Variants in MS4A4E observed in about 807,000 individuals in gnomAD.
MS4A4E encodes membrane spanning 4-domains A4E.
Under a neutral mutation model 13.3 loss-of-function variants are expected in MS4A4E, and 23 were observed. The observed-to-expected ratio is 1.73, with a 90% CI of 1.25 to 2.45. The LOEUF (loss-of-function observed/expected upper bound fraction) is 2.45. MS4A4E is among the 30% of genes most tolerant of loss of function. MS4A4E has a pLI of 0.00. For synonymous variants in MS4A4E, 36 were observed against 45.6 expected (o/e 0.79, Z 0.85); for missense variants, 144 against 131.2 (o/e 1.10, Z -0.48).
At position 60,201,306 on chromosome 11, in the gene MS4A4E, C is replaced by T. The variant is rs1303020105; in HGVS notation, c.*237G>A. ...CTGGCGGGGGCTGACCCCCACCTCC[C>T]TCCCGGACGGGGTGGCTGCCTGGCG... On this transcript the variant is annotated 3_prime_UTR_variant, in exon 9 of 9. Coordinates refer to ENST00000651255, the MANE Select transcript of MS4A4E (RefSeq NM_001393391.1). 1.2e-5 allele frequency: 2 copies of T among 164,046 alleles called. No homozygotes were observed. Among genetic ancestry groups the T allele is most frequent in the South Asian group, 1.4e-4 (1 of 7,118 alleles). The allele number at this position is 164,046 out of a possible 1,614,324, so 10.2% of individuals were successfully genotyped here.
At chr11:60,220,127 T>C (rs527696857) in intron 3 of MS4A4E, among the ~76,000 whole-genome samples, 13 of 152,302 alleles carry the variant, frequency 8.5e-5, no homozygotes, top group African/African-American at 2.6e-4. Flanking sequence ...CCTGAAGGGA[T>C]TGCAGACATT....
At chr11:60,232,646 CAT>C (rs2084427054) in intron 1 of MS4A4E, among the ~76,000 whole-genome samples, 1 of 152,026 alleles carries the variant, frequency 6.6e-6, no homozygotes, top group Non-Finnish European at 1.5e-5. Context: ...CTGAAGTCCA[CAT>C]GTCTGTTCTA....
intron 5 of MS4A4E, among the ~76,000 whole-genome samples, chr11:60,211,958 A>G (rs1435110626): frequency 2.0e-5 from 3 of 152,218 alleles, no homozygotes; most frequent in South Asian, 2.1e-4. Context: ...AATAATAATT[A>G]TAAAGATTAA....
At position 60,229,973 on chromosome 11, in the gene MS4A4E, T is replaced by C. The variant is rs2084387779; in HGVS notation, c.83A>G (p.His28Arg). 1 of 1,613,818 alleles carries C rather than the reference T, an allele frequency of 6.2e-7. No individual in the cohort carries two copies. Among genetic ancestry groups the C allele is most frequent in the East Asian group, 2.2e-5 (1 of 44,874 alleles). Residue 28 changes from histidine to arginine, a missense_variant, in exon 2 of 9, where the codon CAT becomes CGT. Physicochemically the swap from His to Arg is conservative, Grantham distance 29 (BLOSUM62 0). Around this residue, in one of 3 missense-constraint regions of MS4A4E, gnomAD observed 119 missense variants for 88.7 expected, o/e 1.34. Coordinates refer to ENST00000651255, the MANE Select transcript of MS4A4E (RefSeq NM_001393391.1). ...VPQLGNIDVI[H>R]SYLCKGLQEK... is the part of the protein sequence containing the mutation. ...TTGCAATCCTTTACACAGATATGAA[T>C]GTATGACATCTATGTTTCCCAGCTG...
intron 1 of MS4A4E, among the ~76,000 whole-genome samples, chr11:60,230,900 T>C (rs994422396): frequency 2.6e-5 from 4 of 152,166 alleles, no homozygotes; most frequent in Admixed American, 6.5e-5. Flanking sequence ...CTAATATCCT[T>C]CAAGTCATAG....
intron 4 of MS4A4E, chr11:60,213,381 G>C: frequency 5.9e-6 from 8 of 1,351,794 alleles, no homozygotes; most frequent in Non-Finnish European, 8.1e-6. Context: ...GGTTTTCAAT[G>C]ATTTTTTACA....
chr11:60,234,339 G>A (rs907064692), intron 1 of MS4A4E, among the ~76,000 whole-genome samples: 9 of 152,084 alleles, frequency 5.9e-5, no homozygotes, highest in Non-Finnish European at 7.4e-5. Context: ...TTGGAGGGTC[G>A]TGGATGAAAT....
At chr11:60,225,313 A>G (rs565418225) in intron 3 of MS4A4E, among the ~76,000 whole-genome samples, 1 of 152,186 alleles carries the variant, frequency 6.6e-6, no homozygotes. Flanking sequence ...TTCACGGTTA[A>G]AAGGAGTATG....
intron 8 of MS4A4E, among the ~76,000 whole-genome samples, chr11:60,204,273 C>T (rs917842812): frequency 1.3e-5 from 2 of 152,332 alleles, no homozygotes; most frequent in East Asian, 3.9e-4. Flanking sequence ...AGTTAATCAT[C>T]TTCCCTTGCC....
intron 1 of MS4A4E, among the ~76,000 whole-genome samples, chr11:60,237,357 A>T (rs182638964): frequency 6.6e-6 from 1 of 152,304 alleles, no homozygotes; most frequent in East Asian, 1.9e-4. Context: ...ATTGATGGGC[A>T]TTTAAGTTGA....
At chr11:60,228,711 T>C (rs2084373132) in intron 2 of MS4A4E, 84 bp from the exon 3 acceptor site, 1 of 664,548 alleles carries the variant, frequency 1.5e-6, no homozygotes, top group Non-Finnish European at 2.7e-6. Context: ...GGTGAATGCA[T>C]AAATAAACTG....
At chr11:60,206,109 A>T (rs906612952) in intron 6 of MS4A4E, among the ~76,000 whole-genome samples, 3 of 152,046 alleles carry the variant, frequency 2.0e-5, no homozygotes, top group African/African-American at 7.2e-5. Flanking sequence ...AAGGAAAAGG[A>T]TGGGGGAGAA....
chr11:60,232,644 C>A (rs1309046960), intron 1 of MS4A4E, among the ~76,000 whole-genome samples: 1 of 151,976 alleles, frequency 6.6e-6, no homozygotes, highest in Non-Finnish European at 1.5e-5. Flanking sequence ...ACCTGAAGTC[C>A]ACATGTCTGT....
intron 3 of MS4A4E, among the ~76,000 whole-genome samples, chr11:60,225,742 A>G (rs913706220): frequency 2.6e-5 from 4 of 152,126 alleles, no homozygotes; most frequent in Non-Finnish European, 5.9e-5. Flanking sequence ...ACCTTAAGAA[A>G]CTGGAAAAAG....
intron 1 of MS4A4E, among the ~76,000 whole-genome samples, chr11:60,239,725 T>C (rs2084526014): frequency 6.6e-6 from 1 of 152,242 alleles, no homozygotes; most frequent in Admixed American, 6.5e-5. Flanking sequence ...TAATGGAGTT[T>C]ATGAGGTGAC....
chr11:60,201,370 CGG>C lies in MS4A4E; in HGVS notation c.*171_*172del. 1 of 183,210 alleles carries C rather than the reference CGG, an allele frequency of 5.5e-6. No homozygotes were observed. Among genetic ancestry groups the C allele is most frequent in the South Asian group, 9.4e-5 (1 of 10,670 alleles). The allele number at this position is 183,210 out of a possible 1,614,324, so 11.3% of individuals were successfully genotyped here. ...CTTCCCAGACGGGGTGGCTGCCGGG[CGG>C]AGGGGCTCCTCACTTCTCAGACGGG... On this transcript the variant is annotated 3_prime_UTR_variant, in exon 9 of 9. Coordinates refer to ENST00000651255, the MANE Select transcript of MS4A4E (RefSeq NM_001393391.1).
At position 60,233,057 on chromosome 11, in the gene MS4A4E, CCCCTGGAGTCCAAGCTTCTGAGAAA is replaced by C. The variant is rs1273162454; in HGVS notation, c.-16-3011_-16-2987del. ...CCCCACCTCCCCGGAACTGACCTGT[CCCCTGGAGTCCAAGCTTCTGAGAAA>C]CCCTGACTCCCCAGGGGGTCATTTC... On this transcript the variant is annotated intron_variant, in intron 1 of 8. Transcript: ENST00000651255. Among the ~76,000 whole-genome samples, 11 of 152,108 alleles carry C rather than the reference CCCCTGGAGTCCAAGCTTCTGAGAAA, an allele frequency of 7.2e-5. No individual in the cohort carries two copies. In the East Asian group the frequency reaches 2.1e-3, roughly 29 times the overall value.
intron 1 of MS4A4E, among the ~76,000 whole-genome samples, chr11:60,237,578 T>A (rs753222170): frequency 2.6e-5 from 4 of 152,208 alleles, no homozygotes; most frequent in Non-Finnish European, 5.9e-5. Flanking sequence ...TATTAATATT[T>A]CTTTTTCTCC....
At chr11:60,234,173 CATT>C (rs2084450862) in intron 1 of MS4A4E, among the ~76,000 whole-genome samples, 1 of 152,148 alleles carries the variant, frequency 6.6e-6, no homozygotes, top group African/African-American at 2.4e-5. Flanking sequence ...CAGCTGGAAA[CATT>C]TGCCTCCAGA....
Sources: allele counts gnomAD v4.1 joint callset (sites outside exome capture counted in the v4.1 genomes callset), GRCh38; gene constraint gnomAD v4.1.1; regional missense constraint gnomAD v4.1.1; transcripts MANE v1.5; gene names NCBI Gene and HGNC (gene_info 2026-07-23, HGNC 2026-07-21).